The following GALNT7 variants were observed in gnomAD, a reference collection of about 807,000 sequenced individuals.
GALNT7 encodes the protein polypeptide N-acetylgalactosaminyltransferase 7.
Under a neutral mutation model 82.1 loss-of-function variants are expected in GALNT7, and 60 were observed. The ratio of observed to expected loss-of-function variants is 0.73; its 90% confidence interval spans 0.59 to 0.91. GALNT7 has a LOEUF of 0.91. Ranked by LOEUF, GALNT7 falls within the 40% of genes least tolerant of loss-of-function variation. The pLI is 0.00. For missense variants in GALNT7, 660 were observed against 804.2 expected, an observed-to-expected ratio of 0.82 and a Z score of 2.17; for synonymous variants, 243 against 275.1, an observed-to-expected ratio of 0.88 and a Z score of 1.15.
At chr4:173,271,944 C>G (rs1735742512) in intron 2 of GALNT7, among the ~76,000 whole-genome samples, 1 of 152,054 alleles carries the variant, frequency 6.6e-6, no homozygotes, top group Admixed American at 6.6e-5. Context: ...TTCATCCATC[C>G]TTTATTTTGG....
intron 1 of GALNT7, among the ~76,000 whole-genome samples, chr4:173,228,044 AT>A (rs1208289435): frequency 1.3e-5 from 2 of 152,034 alleles, no homozygotes; most frequent in Non-Finnish European, 2.9e-5. Context: ...CAGCCAACAA[AT>A]TTTATAGCTT....
intron 1 of GALNT7, among the ~76,000 whole-genome samples, chr4:173,233,816 C>G (rs1011820555): frequency 6.6e-6 from 1 of 152,218 alleles, no homozygotes; most frequent in Non-Finnish European, 1.5e-5. Flanking sequence ...TTTTAAAAAT[C>G]TTCAAGCTTT....
In GALNT7 at chr4:173,168,934, C is replaced by A; in HGVS notation, c.99C>A (p.Asp33Glu). ...GGTCTTCCCTGACCCCGCGGCCGGA[C>A]GACCCAAGCCCGCTGAGCAGGATGA... is the stretch of plus-strand genomic sequence containing the variant. ...VLWSSLTPRP[D>E]DPSPLSRMRE... Residue 33 changes from aspartate to glutamate, a missense_variant, in exon 1 of 12, where the codon GAC (aspartate) becomes GAA (glutamate). Coordinates refer to ENST00000265000, the MANE Select transcript of GALNT7 (RefSeq NM_017423.3). 6.2e-7 allele frequency: 1 copy of A among 1,613,642 alleles called. No individual in the cohort carries two copies. Among genetic ancestry groups the A allele is most frequent in the Non-Finnish European group, 8.5e-7 (1 of 1,179,758 alleles).
intron 1 of GALNT7, among the ~76,000 whole-genome samples, chr4:173,170,461 G>A (rs1731824359): frequency 6.6e-6 from 1 of 152,222 alleles, no homozygotes. Context: ...GAGATTAGAT[G>A]TAATCTGGAA....
At chr4:173,212,494 A>G (rs1283257808) in intron 1 of GALNT7, among the ~76,000 whole-genome samples, 2 of 152,206 alleles carry the variant, frequency 1.3e-5, no homozygotes, top group Non-Finnish European at 2.9e-5. Flanking sequence ...TTCAGTTTAG[A>G]TTATCTAGAC....
chr4:173,298,053 A>G, intron 5 of GALNT7, 62 bp from the exon 6 acceptor site: 2 of 1,572,924 alleles, frequency 1.3e-6, no homozygotes, highest in Middle Eastern at 1.7e-4. Flanking sequence ...ATGAACTCGT[A>G]TAAATGTGTG....
intron 2 of GALNT7, among the ~76,000 whole-genome samples, chr4:173,249,449 GAT>G (rs1734776162): frequency 6.6e-6 from 1 of 152,162 alleles, no homozygotes; most frequent in Non-Finnish European, 1.5e-5. Context: ...AGTGAGAAGA[GAT>G]GAGTGAAATG....
At position 173,302,094 on chromosome 4, in the gene GALNT7, T is replaced by C. The variant is rs779137076; in HGVS notation, c.1196T>C (p.Phe399Ser). The change falls in exon 7 of 12, where the codon TTC (phenylalanine) becomes TCC (serine). Residue 399 changes from phenylalanine to serine, a missense_variant. Phe to Ser is a radical substitution (Grantham distance 155). Transcript: ENST00000265000. This position sits in a 1 kb window ranked among gnomAD's most constrained non-coding sequence, Gnocchi z 4.2. ...GGLFAIEREF[F>S]FELGLYDPGL... Reference sequence around the variant, plus strand: ...TTATTTGCCATTGAACGAGAGTTCTTCTTTGAATTGGGTCTCTATGATCCA... The same window carrying C: ...TTATTTGCCATTGAACGAGAGTTCTCCTTTGAATTGGGTCTCTATGATCCA... 2 of 1,604,598 alleles carry C rather than the reference T, an allele frequency of 1.2e-6. No homozygotes were observed. Among genetic ancestry groups the C allele is most frequent in the South Asian group, 1.1e-5 (1 of 90,872 alleles).
chr4:173,193,968 T>C (rs1732700252), intron 1 of GALNT7, among the ~76,000 whole-genome samples: 1 of 152,212 alleles, frequency 6.6e-6, no homozygotes, highest in African/African-American at 2.4e-5. Flanking sequence ...TATGATGTAG[T>C]TACTGTAAAT....
In GALNT7 at chr4:173,322,660, A is replaced by G. The variant is rs1737865857; in HGVS notation, c.*943A>G. ...TTATCCCTTGAAAGCGAGGGTGACAAAAACAACAAAACACCGTTATAAACA... is the reference window on the plus strand; with the variant it reads ...TTATCCCTTGAAAGCGAGGGTGACAGAAACAACAAAACACCGTTATAAACA... On this transcript the variant is annotated 3_prime_UTR_variant, in exon 12 of 12. Transcript: ENST00000265000. 1 of 152,198 alleles carries G rather than the reference A, an allele frequency of 6.6e-6. No individual in the cohort carries two copies. Among genetic ancestry groups the G allele is most frequent in the Admixed American group, 6.5e-5 (1 of 15,276 alleles). 9.4% of individuals were successfully genotyped at this position (152,198 alleles called of 1,614,324 possible).
In GALNT7 at chr4:173,313,944, T is replaced by A; in HGVS notation, c.1390-14T>A. 1 of 892,652 alleles carries A rather than the reference T, an allele frequency of 1.1e-6. No individual in the cohort carries two copies. Among genetic ancestry groups the A allele is most frequent in the Non-Finnish European group, 1.6e-6 (1 of 608,592 alleles). The allele number at this position is 892,652 out of a possible 1,614,324, so 55.3% of individuals were successfully genotyped here. A position where few individuals can be genotyped will look rare whatever the true frequency, so the allele number is the denominator to read the frequency against. On this transcript the variant is annotated splice_polypyrimidine_tract_variant and intron_variant, in intron 8 of 11. Transcript: ENST00000265000. ...TTTTATAACGATATATATATATATATTTTTTTTTTACAGAATTATGTTAGA... is the reference window on the plus strand; with the variant it reads ...TTTTATAACGATATATATATATATAATTTTTTTTTACAGAATTATGTTAGA...
chr4:173,269,884 T>A (rs1735660204), intron 2 of GALNT7, among the ~76,000 whole-genome samples: 1 of 152,204 alleles, frequency 6.6e-6, no homozygotes, highest in Non-Finnish European at 1.5e-5. Context: ...AAGGAATGCT[T>A]CTTGAGGATC....
At chr4:173,228,887 G>T (rs1312090716) in intron 1 of GALNT7, among the ~76,000 whole-genome samples, 1 of 152,136 alleles carries the variant, frequency 6.6e-6, no homozygotes, top group Non-Finnish European at 1.5e-5. Context: ...CAAGAAATTT[G>T]TTGAAAATAA....
intron 1 of GALNT7, among the ~76,000 whole-genome samples, chr4:173,205,169 C>G (rs1561153267): frequency 6.6e-6 from 1 of 151,930 alleles, no homozygotes; most frequent in East Asian, 1.9e-4. Context: ...AGGTCTGGAG[C>G]CCGTATCCTC....
rs184587251 is a variant in GALNT7, at chr4:173,230,677, T to G, written c.127-17303T>G. On this transcript the variant is annotated intron_variant, in intron 1 of 11. Coordinates refer to ENST00000265000, the MANE Select transcript of GALNT7 (RefSeq NM_017423.3). ...GGGTTTCATAGTGAACATTTTCATGTGTCCTAGAAAACAGACTGTTGGTTG... is the reference window on the plus strand; with the variant it reads ...GGGTTTCATAGTGAACATTTTCATGGGTCCTAGAAAACAGACTGTTGGTTG... Among the ~76,000 whole-genome samples, 391 of 152,302 alleles carry G rather than the reference T, an allele frequency of 2.6e-3. 1 individual carries two copies. Among genetic ancestry groups the G allele is most frequent in the Non-Finnish European group, 4.9e-3 (336 of 68,018 alleles).
At chr4:173,172,215 C>T (rs535831291) in intron 1 of GALNT7, among the ~76,000 whole-genome samples, 10 of 152,324 alleles carry the variant, frequency 6.6e-5, no homozygotes, top group Admixed American at 2.0e-4. Context: ...CCAGGGTTTG[C>T]GTTTCTTCTC....
At chr4:173,235,802 C>T (rs1427205302) in intron 1 of GALNT7, among the ~76,000 whole-genome samples, 1 of 152,020 alleles carries the variant, frequency 6.6e-6, no homozygotes, top group Non-Finnish European at 1.5e-5. Context: ...GATCTGTCTG[C>T]CTTGGCCTCC....
chr4:173,240,419 A>G (rs542770736), intron 1 of GALNT7, among the ~76,000 whole-genome samples: 1 of 136,252 alleles, frequency 7.3e-6, no homozygotes, highest in African/African-American at 2.9e-5. Flanking sequence ...CCCAGGCTGG[A>G]GTGCAATGGC....
chr4:173,179,094 A>G (rs1732167661), intron 1 of GALNT7, among the ~76,000 whole-genome samples: 1 of 152,238 alleles, frequency 6.6e-6, no homozygotes, highest in Non-Finnish European at 1.5e-5. Context: ...TTTTTTATGC[A>G]TAGCTGTTTA....
Sources: allele counts gnomAD v4.1 joint callset (sites outside exome capture counted in the v4.1 genomes callset), GRCh38; gene constraint gnomAD v4.1.1; non-coding constraint Gnocchi (gnomAD v3.1); transcripts MANE v1.5; gene names NCBI Gene and HGNC (gene_info 2026-07-23, HGNC 2026-07-21).